Variants in GDF15 observed in about 807,000 individuals in gnomAD.
The protein encoded by GDF15 is growth/differentiation factor 15.
In GDF15, 10 loss-of-function variants were observed where a neutral mutation model predicts 8.9. The ratio of observed to expected loss-of-function variants is 1.12; its 90% CI spans 0.69 to 1.90. The LOEUF is 1.90. GDF15 is among the 40% of genes most tolerant of loss of function. The pLI is 0.00. For synonymous variants in GDF15, 228 were observed against 210.6 expected (o/e 1.08, Z -0.72); for missense variants, 452 against 434.2 (o/e 1.04, Z -0.36).
intron 1 of GDF15, 184 bp downstream of exon 1, chr19:18,386,650 A>C: frequency 3.3e-6 from 2 of 603,114 alleles, no homozygotes; most frequent in Non-Finnish European, 2.9e-6. Context: ...TTGCACCCAC[A>C]ACGTGGGAGG....
Position 18,386,405 on chromosome 19 carries a change from C to T in GDF15, c.216C>T (p.Ser72=). ...TAACCAGGCTGCGGGCCAACCAGAG[C>T]TGGGAAGATTCGAACACCGACCTCG... ...DLLTRLRANQ[S]WEDSNTDLVP... The change falls in exon 1 of 2, where the codon AGC becomes AGT. Residue 72 remains serine (S), a synonymous_variant. Coordinates refer to ENST00000252809, the MANE Select transcript of GDF15 (RefSeq NM_004864.4). The T allele has an allele frequency of 6.2e-7, 1 of 1,613,894 alleles. No individual in the cohort carries two copies. The highest frequency in any genetic ancestry group is 8.5e-7 in the Non-Finnish European group (1 of 1,179,992).
rs1423287197 is a variant in GDF15 at position 18,388,498 on chromosome 19, T to C, written c.490T>C (p.Ser164Pro). 1 of 1,604,264 alleles carries C rather than the reference T, an allele frequency of 6.2e-7. No individual in the cohort carries two copies. The highest frequency in any genetic ancestry group is 1.1e-5 in the South Asian group (1 of 90,464). ...GCACCTGCGACTGTCGCCGCCGCCG[T>C]CGCAGTCGGACCAACTGCTGGCAGA... ...ALHLRLSPPP[S>P]QSDQLLAESS... is the part of the protein sequence containing the mutation. Residue 164 changes from serine (S) to proline (P), a missense_variant, in exon 2 of 2, where the codon TCG becomes CCG. Ser to Pro is a moderately conservative substitution (Grantham distance 74). Transcript: ENST00000252809. The surrounding 1 kb of genome is among the most constrained non-coding windows in gnomAD (Gnocchi z 4.2).
rs567283259 is a variant in GDF15, at chr19:18,388,196, C to T, written c.278-90C>T. 3.4e-6 allele frequency: 4 copies of T among 1,181,308 alleles called. No homozygotes were observed. Among genetic ancestry groups the T allele is most frequent in the Admixed American group, 2.1e-5 (1 of 47,762 alleles). The allele number at this position is 1,181,308 out of a possible 1,614,324, so 73.2% of individuals were successfully genotyped here. A position where few individuals can be genotyped will look rare whatever the true frequency, so the allele number is the denominator to read the frequency against. ...AAGGCGCCGCCGCCGTGGTGAGATC[C>T]AGCTTGGCGTGTTAGGGGAAATGGG... On this transcript the variant is annotated intron_variant, in intron 1 of 1. Transcript: ENST00000252809. The surrounding 1 kb of genome is among the most constrained non-coding windows in gnomAD (Gnocchi z 4.2).
chr19:18,388,486 TCGC>T lies in GDF15; in HGVS notation c.487_489del (p.Pro163del), dbSNP rs764282108. ...GGCGCCCGCGCTGCACCTGCGACTG[TCGC>T]CGCCGCCGTCGCAGTCGGACCAACT... On this transcript the variant is annotated inframe_deletion, in exon 2 of 2. Coordinates refer to ENST00000252809, the MANE Select transcript of GDF15 (RefSeq NM_004864.4). The surrounding 1 kb of genome is among the most constrained non-coding windows in gnomAD (Gnocchi z 4.2). 1 of 1,604,442 alleles carries T rather than the reference TCGC, an allele frequency of 6.2e-7. No homozygotes were observed. The highest frequency in any genetic ancestry group is 1.1e-5 in the South Asian group (1 of 90,558).
At chr19:18,387,288 G>A (rs1971842670) in intron 1 of GDF15, among the ~76,000 whole-genome samples, 1 of 152,140 alleles carries the variant, frequency 6.6e-6, no homozygotes. Flanking sequence ...CAGCACTTTA[G>A]GAGGCCAAGG....
chr19:18,388,512 A>G lies in GDF15; in HGVS notation c.504A>G (p.Gln168=), dbSNP rs1355425269. The change falls in exon 2 of 2, where the codon CAA becomes CAG. Residue 168 remains glutamine, a synonymous_variant. Transcript: ENST00000252809. The surrounding 1 kb of genome is among the most constrained non-coding windows in gnomAD (Gnocchi z 4.2). ...CGCCGCCGCCGTCGCAGTCGGACCA[A>G]CTGCTGGCAGAATCTTCGTCCGCAC... ...RLSPPPSQSD[Q]LLAESSSARP... 2.5e-6 allele frequency: 4 copies of G among 1,601,836 alleles called. No homozygotes were observed. Among genetic ancestry groups the G allele is most frequent in the Non-Finnish European group, 3.4e-6 (4 of 1,176,464 alleles).
Position 18,389,169 on chromosome 19 carries a change from G to A in GDF15, c.*234G>A. ...TCTGGTGATAAAAATAAAGCTGTCT[G>A]AACTGTTCCCTGTGGTGTCCAGGAT... is the stretch of plus-strand genomic sequence containing the variant. On this transcript the variant is annotated 3_prime_UTR_variant, in exon 2 of 2. Transcript: ENST00000252809. 1 of 397,266 alleles carries A rather than the reference G, an allele frequency of 2.5e-6. No individual in the cohort carries two copies. The highest frequency in any genetic ancestry group is 4.5e-6 in the Non-Finnish European group (1 of 222,218). The allele number at this position is 397,266 out of a possible 1,614,324, so 24.6% of individuals were successfully genotyped here. A position where few individuals can be genotyped will look rare whatever the true frequency, so the allele number is the denominator to read the frequency against.
chr19:18,387,839 T>TTTTTTTTTTTTTTTTTTTGTGG (rs1199190336), intron 1 of GDF15, among the ~76,000 whole-genome samples: 1 of 103,572 alleles, frequency 9.7e-6, no homozygotes, highest in Non-Finnish European at 2.1e-5. Context: ...TTTTTTTTTT[T>TTTTTTTTTTTTTTTTTTTGTGG]GAGAGGGAGT....
In GDF15 at chr19:18,386,361, A is replaced by T; in HGVS notation, c.172A>T (p.Lys58Ter). The T allele has an allele frequency of 3.1e-6, 5 of 1,614,062 alleles. No individual in the cohort carries two copies. The highest frequency in any genetic ancestry group is 4.2e-6 in the Non-Finnish European group (5 of 1,180,000). ...SEDSRFRELRKRYEDLLTRLR... is the reference protein window; with the variant it reads ...SEDSRFRELR Reference sequence around the variant, plus strand: ...AGACTCCAGATTCCGAGAGTTGCGGAAACGCTACGAGGACCTGCTAACCAG... The same window carrying T: ...AGACTCCAGATTCCGAGAGTTGCGGTAACGCTACGAGGACCTGCTAACCAG... Residue 58 changes from lysine to a stop codon, truncating the protein, a stop_gained, in exon 1 of 2, where the codon AAA becomes TAA. Transcript: ENST00000252809. LOFTEE classifies it high-confidence loss of function.
rs1430871501 is a variant in GDF15 at position 18,388,414 on chromosome 19, G to A, written c.406G>A (p.Asp136Asn). ...GTCCCCGACGGCGTCAAGGTCGTGG[G>A]ACGTGACACGACCGCTGCGGCGTCA... Reference protein sequence around the residue: ...RLSPTASRSWDVTRPLRRQLS... With the variant: ...RLSPTASRSWNVTRPLRRQLS... Residue 136 changes from aspartate (D) to asparagine (N), a missense_variant, in exon 2 of 2, where the codon GAC (aspartate) becomes AAC (asparagine). Asp to Asn is a conservative substitution (Grantham distance 23). Coordinates refer to ENST00000252809, the MANE Select transcript of GDF15 (RefSeq NM_004864.4). This position sits in a 1 kb window ranked among gnomAD's most constrained non-coding sequence, Gnocchi z 4.2. 3 of 1,611,000 alleles carry A rather than the reference G, an allele frequency of 1.9e-6. No individual in the cohort carries two copies. The highest frequency in any genetic ancestry group is 1.1e-5 in the South Asian group (1 of 91,002).
Position 18,388,854 on chromosome 19 carries a change from G to A in GDF15, c.846G>A (p.Met282Ile), listed in dbSNP as rs953273050. The change falls in exon 2 of 2, where the codon ATG (methionine) becomes ATA (isoleucine). Residue 282 changes from methionine (M) to isoleucine (I), a missense_variant. Coordinates refer to ENST00000252809, the MANE Select transcript of GDF15 (RefSeq NM_004864.4). The surrounding 1 kb of genome is among the most constrained non-coding windows in gnomAD (Gnocchi z 4.2). ...GCGTGCCCGCCAGCTACAATCCCAT[G>A]GTGCTCATTCAAAAGACCGACACCG... ...PCCVPASYNP[M>I]VLIQKTDTGV... 1.1e-5 allele frequency: 17 copies of A among 1,612,132 alleles called. No homozygotes were observed. The highest frequency in any genetic ancestry group is 6.8e-6 in the Non-Finnish European group (8 of 1,179,926).
At position 18,388,530 on chromosome 19, in the gene GDF15, G is replaced by T. The variant is rs1971859027; in HGVS notation, c.522G>T (p.Ser174=). 6.3e-7 allele frequency: 1 copy of T among 1,598,052 alleles called. No homozygotes were observed. Among genetic ancestry groups the T allele is most frequent in the Middle Eastern group, 1.7e-4 (1 of 6,046 alleles). The change falls in exon 2 of 2, where the codon TCG becomes TCT. Residue 174 remains serine, a synonymous_variant. Transcript: ENST00000252809. This position sits in a 1 kb window ranked among gnomAD's most constrained non-coding sequence, Gnocchi z 4.2. ...SQSDQLLAES[S]SARPQLELHL... is the part of the protein sequence containing the mutation. The stretch of plus-strand genomic sequence containing the variant: ...CGGACCAACTGCTGGCAGAATCTTC[G>T]TCCGCACGGCCCCAGCTGGAGTTGC...
chr19:18,387,412 C>G (rs140036220), intron 1 of GDF15, among the ~76,000 whole-genome samples: 220 of 152,242 alleles, frequency 1.4e-3, no homozygotes, highest in Non-Finnish European at 2.8e-3. Context: ...TGCCTGTAGT[C>G]TCAGTTATTC....
chr19:18,388,546 C>G lies in GDF15; in HGVS notation c.538C>G (p.Leu180Val). The G allele has an allele frequency of 6.3e-7, 1 of 1,597,694 alleles. No homozygotes were observed. The highest frequency in any genetic ancestry group is 8.5e-7 in the Non-Finnish European group (1 of 1,175,082). Residue 180 changes from leucine (L) to valine (V), a missense_variant, in exon 2 of 2, where the codon CTG becomes GTG. Leu to Val is a conservative substitution (Grantham distance 32). Transcript: ENST00000252809. The surrounding 1 kb of genome is among the most constrained non-coding windows in gnomAD (Gnocchi z 4.2). ...LAESSSARPQ[L>V]ELHLRPQAAR... ...AGAATCTTCGTCCGCACGGCCCCAG[C>G]TGGAGTTGCACTTGCGGCCGCAAGC... is the stretch of plus-strand genomic sequence containing the variant.
chr19:18,388,318 C>A lies in GDF15; in HGVS notation c.310C>A (p.Arg104Ser), dbSNP rs1208250839. ...RLGSGGHLHL[R>S]ISRAALPEGL... ...GGGATCCGGCGGCCACCTGCACCTG[C>A]GTATCTCTCGGGCCGCCCTTCCCGA... The change falls in exon 2 of 2, where the codon CGT becomes AGT. Residue 104 changes from arginine to serine, a missense_variant. Coordinates refer to ENST00000252809, the MANE Select transcript of GDF15 (RefSeq NM_004864.4). The surrounding 1 kb of genome is among the most constrained non-coding windows in gnomAD (Gnocchi z 4.2). 2 of 1,610,814 alleles carry A rather than the reference C, an allele frequency of 1.2e-6. No individual in the cohort carries two copies. The highest frequency in any genetic ancestry group is 1.7e-5 in the Admixed American group (1 of 59,980).
rs754819829 is a variant in GDF15, at chr19:18,388,585, C to A, written c.577C>A (p.Arg193Ser). The stretch of plus-strand genomic sequence containing the variant: ...GCGGCCGCAAGCCGCCAGGGGGCGC[C>A]GCAGAGCGCGTGCGCGCAACGGGGA... ...HLRPQAARGR[R>S]RARARNGDHC... is the part of the protein sequence containing the mutation. Residue 193 changes from arginine to serine, a missense_variant, in exon 2 of 2, where the codon CGC becomes AGC. Physicochemically the swap from Arg to Ser is moderately radical, Grantham distance 110 (BLOSUM62 -1). Coordinates refer to ENST00000252809, the MANE Select transcript of GDF15 (RefSeq NM_004864.4). The surrounding 1 kb of genome is among the most constrained non-coding windows in gnomAD (Gnocchi z 4.2). 6 of 1,600,440 alleles carry A rather than the reference C, an allele frequency of 3.7e-6. No individual in the cohort carries two copies. The African/African-American group carries it at 6.7e-5, about 18-fold the overall frequency.
At position 18,388,077 on chromosome 19, in the gene GDF15, C is replaced by T. The variant is rs1268766942; in HGVS notation, c.278-209C>T. ...CTTGAACTCCTGACCTCAAGTGATC[C>T]ACCTGCATCGGCCTCCCAAAGTGCT... On this transcript the variant is annotated intron_variant, in intron 1 of 1. Coordinates refer to ENST00000252809, the MANE Select transcript of GDF15 (RefSeq NM_004864.4). The surrounding 1 kb of genome is among the most constrained non-coding windows in gnomAD (Gnocchi z 4.2). 6.6e-6 allele frequency among the ~76,000 whole-genome samples: 1 copy of T among 152,108 alleles called. No individual in the cohort carries two copies. Among genetic ancestry groups the T allele is most frequent in the Non-Finnish European group, 1.5e-5 (1 of 68,020 alleles).
rs1971859651 is a variant in GDF15 at position 18,388,559 on chromosome 19, T to C, written c.551T>C (p.Leu184Ser). 6.3e-7 allele frequency: 1 copy of C among 1,597,282 alleles called. No homozygotes were observed. Among genetic ancestry groups the C allele is most frequent in the Non-Finnish European group, 8.5e-7 (1 of 1,175,136 alleles). Residue 184 changes from leucine to serine, a missense_variant, in exon 2 of 2, where the codon TTG becomes TCG. Physicochemically the swap from Leu to Ser is moderately radical, Grantham distance 145. Coordinates refer to ENST00000252809, the MANE Select transcript of GDF15 (RefSeq NM_004864.4). This position sits in a 1 kb window ranked among gnomAD's most constrained non-coding sequence, Gnocchi z 4.2. ...SSARPQLELH[L>S]RPQAARGRRR... ...GCACGGCCCCAGCTGGAGTTGCACTTGCGGCCGCAAGCCGCCAGGGGGCGC... is the reference window on the plus strand; with the variant it reads ...GCACGGCCCCAGCTGGAGTTGCACTCGCGGCCGCAAGCCGCCAGGGGGCGC...
intron 1 of GDF15, 39 bp downstream of exon 1, chr19:18,386,505 C>T: frequency 1.3e-6 from 2 of 1,542,214 alleles, no homozygotes; most frequent in Non-Finnish European, 1.8e-6. Context: ...ACCCCCCAAG[C>T]AGCCCCCATA....
Sources: allele counts gnomAD v4.1 joint callset (sites outside exome capture counted in the v4.1 genomes callset), GRCh38; gene constraint gnomAD v4.1.1; non-coding constraint Gnocchi (gnomAD v3.1); transcripts MANE v1.5; gene names NCBI Gene and HGNC (gene_info 2026-07-23, HGNC 2026-07-21).